CLXN: variants seen among roughly 807,000 people sequenced by gnomAD.
CLXN encodes the protein EF-hand calcium binding domain 1.
chr8:48,720,485 C>T, the CLXN span, among the ~76,000 whole-genome samples: 1 of 152,158 alleles, frequency 6.6e-6, no homozygotes, highest in African/African-American at 2.4e-5. Flanking sequence ...CCCTGGTCTC[C>T]TGCAGTACTC....
the CLXN span, chr8:48,715,607 A>C: frequency 6.6e-6 from 1 of 152,152 alleles, no homozygotes; most frequent in Non-Finnish European, 1.5e-5. Flanking sequence ...CATCATGGAC[A>C]CCCACAGTTT....
the CLXN span, chr8:48,734,981 G>C: frequency 1.2e-5 from 15 of 1,234,680 alleles, no homozygotes; most frequent in East Asian, 7.3e-5. Context: ...GCGGTAGGTA[G>C]CCCACAGAGT....
chr8:48,730,341 CTTGAG>C, the CLXN span, among the ~76,000 whole-genome samples: 5 of 152,132 alleles, frequency 3.3e-5, no homozygotes, highest in African/African-American at 1.2e-4. Flanking sequence ...CTCAGAATCA[CTTGAG>C]TTTTCTTTTT....
At chr8:48,713,799 T>G in the CLXN span, 1 of 152,194 alleles carries the variant, frequency 6.6e-6, no homozygotes, top group African/African-American at 2.4e-5. Context: ...AGTGCAGTCT[T>G]GTACACAGAG....
chr8:48,731,748 G>A, the CLXN span, among the ~76,000 whole-genome samples: 3 of 152,076 alleles, frequency 2.0e-5, no homozygotes, highest in Admixed American at 2.0e-4. Context: ...CAAGTTACTA[G>A]AATAATGATG....
chr8:48,733,030 A>G, the CLXN span, among the ~76,000 whole-genome samples: 1 of 152,262 alleles, frequency 6.6e-6, no homozygotes, highest in East Asian at 1.9e-4. Flanking sequence ...GTGGTGTTGC[A>G]AGCAGAACAG....
chr8:48,715,134 G>C, the CLXN span: 2 of 152,126 alleles, frequency 1.3e-5, no homozygotes, highest in Non-Finnish European at 2.9e-5. Context: ...TAAAAGTCTG[G>C]AAGGATTTAT....
the CLXN span, among the ~76,000 whole-genome samples, chr8:48,718,243 A>C: frequency 6.6e-6 from 1 of 152,188 alleles, no homozygotes; most frequent in Non-Finnish European, 1.5e-5. Context: ...CAAAGGACTG[A>C]GAAATGGTCA....
the CLXN span, chr8:48,715,206 T>G: frequency 6.6e-6 from 1 of 152,248 alleles, no homozygotes; most frequent in Non-Finnish European, 1.5e-5. Flanking sequence ...TGAAATATTC[T>G]TCAGAGAACC....
chr8:48,730,002 G>GACAC, the CLXN span: 2 of 736,336 alleles, frequency 2.7e-6, no homozygotes, highest in Non-Finnish European at 4.3e-6. Flanking sequence ...GATTTGCATT[G>GACAC]TAAGTGTCAA....
chr8:48,731,384 T>G, the CLXN span: 3 of 1,613,010 alleles, frequency 1.9e-6, no homozygotes, highest in Non-Finnish European at 2.5e-6. Context: ...ATTCCAAATG[T>G]CACATGCAGG....
chr8:48,723,034 C>A, the CLXN span, among the ~76,000 whole-genome samples: 25 of 151,924 alleles, frequency 1.6e-4, no homozygotes, highest in Non-Finnish European at 4.4e-5. Context: ...TAAAAGGCTA[C>A]AAAATTTCAG....
chr8:48,715,491 T>C, the CLXN span: 2 of 152,324 alleles, frequency 1.3e-5, no homozygotes, highest in African/African-American at 4.8e-5. Flanking sequence ...CTGGCACAGC[T>C]TGGCAACAAA....
chr8:48,713,217 G>C, the CLXN span, among the ~76,000 whole-genome samples: 8 of 152,020 alleles, frequency 5.3e-5, no homozygotes, highest in Non-Finnish European at 2.9e-5. Context: ...TGCCTCTTTT[G>C]GAAATATTAC....
At chr8:48,722,021 A>G in the CLXN span, among the ~76,000 whole-genome samples, 5 of 152,254 alleles carry the variant, frequency 3.3e-5, no homozygotes, top group African/African-American at 1.2e-4. Flanking sequence ...AAATATTTGC[A>G]AATCATATAT....
the CLXN span, chr8:48,711,505 T>C: frequency 6.6e-6 from 1 of 152,274 alleles, no homozygotes; most frequent in Non-Finnish European, 1.5e-5. Context: ...TCCAGATTCT[T>C]ATTAGCACCA....
the CLXN span, chr8:48,729,818 T>A: frequency 5.6e-6 from 9 of 1,613,384 alleles, no homozygotes; most frequent in Middle Eastern, 3.3e-4. Flanking sequence ...ATGTGAAACA[T>A]TTCCTCCTTT....
At chr8:48,716,448 G>C in the CLXN span, 1 of 152,466 alleles carries the variant, frequency 6.6e-6, no homozygotes, top group Non-Finnish European at 1.5e-5. Flanking sequence ...GCAGTGGCAG[G>C]CTGAAGGGCT....
chr8:48,715,436 TAA>T, the CLXN span: 1 of 152,208 alleles, frequency 6.6e-6, no homozygotes, highest in African/African-American at 2.4e-5. Context: ...CAGCTGTATA[TAA>T]AAGTGTTGGA....
Sources: gnomAD v4.1 joint callset for allele counts (sites outside exome capture counted in the v4.1 genomes callset) on GRCh38, gnomAD v4.1.1 for gene constraint, MANE v1.5 for transcripts, NCBI Gene and HGNC (gene_info 2026-07-23, HGNC 2026-07-21) for gene names.